Variants in GLIS3 observed in about 807,000 individuals in gnomAD.
GLIS3 encodes the protein GLIS family zinc finger 3, also known as zinc finger protein GLIS3.
In GLIS3, 53 loss-of-function variants were observed where a neutral mutation model predicts 78.6. That is an observed-to-expected ratio of 0.67 (90% CI 0.54 to 0.85). GLIS3 has a LOEUF of 0.85. GLIS3 is among the 40% of genes least tolerant of loss of function. GLIS3 has a pLI of 0.00. For synonymous variants in GLIS3, 684 were observed against 509.9 expected, an observed-to-expected ratio of 1.34 and a Z score of -4.60; for missense variants, 1,703 against 1,231.1, an observed-to-expected ratio of 1.38 and a Z score of -5.74.
chr9:4,117,675 G>T, intron 4 of GLIS3, 93 bp downstream of exon 4: 1 of 1,451,032 alleles, frequency 6.9e-7, no homozygotes, highest in Non-Finnish European at 9.7e-7. Context: ...CCCCACGCAT[G>T]CAAACTCCAT....
chr9:4,065,618 T>C (rs1827032267), intron 4 of GLIS3, among the ~76,000 whole-genome samples: 1 of 152,216 alleles, frequency 6.6e-6, no homozygotes, highest in African/African-American at 2.4e-5. Context: ...ACTGTGTAAG[T>C]TTCCTTTGGG....
At chr9:4,419,498 A>C in the GLIS3 span, among the ~76,000 whole-genome samples, 6,118 of 152,202 alleles carry the variant, frequency 0.04, 236 homozygotes, top group African/African-American at 0.097. Flanking sequence ...ACTTTAAAAC[A>C]ACCAGCTCTG....
At chr9:3,914,473 TATTTCTTTATA>T (rs1157360545) in intron 6 of GLIS3, among the ~76,000 whole-genome samples, 1 of 152,148 alleles carries the variant, frequency 6.6e-6, no homozygotes, top group Non-Finnish European at 1.5e-5. Flanking sequence ...AGCCAAAGTT[TATTTCTTTATA>T]ATATTCAACC....
chr9:4,129,498 A>G (rs1021179896), intron 2 of GLIS3, among the ~76,000 whole-genome samples: 2 of 151,964 alleles, frequency 1.3e-5, no homozygotes, highest in Non-Finnish European at 2.9e-5. Flanking sequence ...TGTTTTCATG[A>G]TAAGTGTTCT....
rs562140717 is a variant in GLIS3 at position 4,291,283 on chromosome 9, T to C, written c.-98-4760A>G. Among the ~76,000 whole-genome samples the C allele has an allele frequency of 1.7e-3, 256 of 152,206 alleles. 1 individual carries two copies. Among genetic ancestry groups the C allele is most frequent in the Non-Finnish European group, 2.8e-3 (189 of 67,950 alleles). On this transcript the variant is annotated intron_variant, in intron 1 of 10. Coordinates refer to ENST00000381971, the MANE Select transcript of GLIS3 (RefSeq NM_001042413.2). Reference sequence around the variant, plus strand: ...GTTATACCAACTGAAGACAAATTAGTGTCCTCTGCAGGGATTCTTCAAGAC... The same window carrying C: ...GTTATACCAACTGAAGACAAATTAGCGTCCTCTGCAGGGATTCTTCAAGAC...
In GLIS3 at chr9:4,125,830, G is replaced by A. The variant is rs773169154; in HGVS notation, c.500C>T (p.Pro167Leu). Residue 167 changes from proline to leucine, a missense_variant, in exon 3 of 11, where the codon CCA becomes CTA. By Grantham distance (98) the Pro-to-Leu change is moderately conservative. Transcript: ENST00000381971. ...MVQRLGLISP[P>L]ASQVSTACNQ... ...GCATGCTGTAGAGACCTGGCTTGCT[G>A]GAGGTGAAATGAGTCCCAGTCGCTG... 1 of 1,614,102 alleles carries A rather than the reference G, an allele frequency of 6.2e-7. No homozygotes were observed. The highest frequency in any genetic ancestry group is 1.1e-5 in the South Asian group (1 of 91,080).
intron 3 of GLIS3, among the ~76,000 whole-genome samples, chr9:4,125,113 A>C (rs570548588): frequency 6.6e-6 from 1 of 152,202 alleles, no homozygotes; most frequent in Non-Finnish European, 1.5e-5. Flanking sequence ...TATGGAACCT[A>C]ATCGACATTG....
chr9:4,414,029 C>G, the GLIS3 span, among the ~76,000 whole-genome samples: 2 of 152,204 alleles, frequency 1.3e-5, no homozygotes, highest in African/African-American at 4.8e-5. Context: ...AAGCCAGAAC[C>G]ATGCCATATT....
At chr9:4,324,542 C>T (rs10974459) in intron 2 of GLIS3, among the ~76,000 whole-genome samples, 11,265 of 152,184 alleles carry the variant, frequency 0.074, 790 homozygotes, top group African/African-American at 0.18. Flanking sequence ...TATTATGATT[C>T]GTATTCTTCC....
chr9:3,831,960 T>G (rs183089159), intron 9 of GLIS3, among the ~76,000 whole-genome samples: 20 of 152,050 alleles, frequency 1.3e-4, no homozygotes, highest in African/African-American at 4.8e-4. Context: ...TTGGGTATTT[T>G]TTTTTTGCCT....
intron 6 of GLIS3, among the ~76,000 whole-genome samples, chr9:3,915,162 C>G (rs1369569059): frequency 6.6e-6 from 1 of 152,142 alleles, no homozygotes; most frequent in Non-Finnish European, 1.5e-5. Flanking sequence ...CTTCCTATAG[C>G]CTGTATAGAC....
intron 3 of GLIS3, among the ~76,000 whole-genome samples, chr9:4,122,347 C>G (rs937904073): frequency 6.6e-6 from 1 of 152,194 alleles, no homozygotes; most frequent in Admixed American, 6.5e-5. Flanking sequence ...TGTGCCTCAG[C>G]AAATCCCCTA....
At chr9:4,449,605 T>C in the GLIS3 span, among the ~76,000 whole-genome samples, 1 of 152,100 alleles carries the variant, frequency 6.6e-6, no homozygotes, top group Non-Finnish European at 1.5e-5. Flanking sequence ...GGGAACCCCA[T>C]TGGGATGAAG....
At chr9:3,903,240 G>C (rs1382258291) in intron 6 of GLIS3, among the ~76,000 whole-genome samples, 2 of 152,054 alleles carry the variant, frequency 1.3e-5, no homozygotes, top group African/African-American at 2.4e-5. Flanking sequence ...ATAATACATG[G>C]TTAAATGAGG....
At chr9:3,890,925 T>C (rs914140918) in intron 7 of GLIS3, among the ~76,000 whole-genome samples, 3 of 152,138 alleles carry the variant, frequency 2.0e-5, no homozygotes, top group Non-Finnish European at 4.4e-5. Context: ...TAGATTTCCT[T>C]AATTAAAAAA....
At chr9:4,366,953 C>CT in the GLIS3 span, among the ~76,000 whole-genome samples, 47,597 of 152,062 alleles carry the variant, frequency 0.31, 8,903 homozygotes, top group Admixed American at 0.46. Flanking sequence ...ATTTCTGCCA[C>CT]TTTCCAGCAG....
At chr9:4,295,701 TG>T (rs898384392) in intron 1 of GLIS3, among the ~76,000 whole-genome samples, 31 of 152,364 alleles carry the variant, frequency 2.0e-4, no homozygotes, top group African/African-American at 7.2e-4. Flanking sequence ...AGACTAGTTA[TG>T]TGGGTGTGTT....
chr9:4,103,335 C>G (rs560311251), intron 4 of GLIS3, among the ~76,000 whole-genome samples: 1 of 152,128 alleles, frequency 6.6e-6, no homozygotes, highest in Non-Finnish European at 1.5e-5. Context: ...ATAAGACCTT[C>G]CAGCCAGTAG....
At chr9:3,845,482 T>G (rs948238847) in intron 9 of GLIS3, among the ~76,000 whole-genome samples, 1 of 152,168 alleles carries the variant, frequency 6.6e-6, no homozygotes, top group Non-Finnish European at 1.5e-5. Context: ...AACATAAGGC[T>G]GGGAGGGGAC....
Sources: allele counts gnomAD v4.1 joint callset (sites outside exome capture counted in the v4.1 genomes callset), GRCh38; gene constraint gnomAD v4.1.1; transcripts MANE v1.5; gene names NCBI Gene and HGNC (gene_info 2026-07-23, HGNC 2026-07-21).